TJP1: variants seen among roughly 807,000 people sequenced by gnomAD.
The protein encoded by TJP1 is tight junction protein ZO-1.
Under a neutral mutation model 194.2 loss-of-function variants are expected in TJP1, and 43 were observed. The ratio of observed to expected loss-of-function variants is 0.22; its 90% CI spans 0.17 to 0.29. The LOEUF is 0.29. Among genes scored for constraint, TJP1 ranks in the 10% least tolerant of loss-of-function variants. The probability of loss-of-function intolerance (pLI) is 1.00; values close to 1 mark genes in which losing one functional copy is unlikely to be tolerated. For synonymous variants in TJP1, 801 were observed against 779.0 expected, an observed-to-expected ratio of 1.03 and a Z score of -0.47; for missense variants, 1,971 against 2,185.7, an observed-to-expected ratio of 0.90 and a Z score of 1.96.
At chr15:29,805,055 A>C (rs898810266) in intron 1 of TJP1, among the ~76,000 whole-genome samples, 1 of 152,236 alleles carries the variant, frequency 6.6e-6, no homozygotes, top group Admixed American at 6.5e-5. Context: ...AACAGGCTAC[A>C]AATTCAATAA....
chr15:29,922,718 ATAG>A (rs1176513606), intron 2 of TJP1, among the ~76,000 whole-genome samples: 1 of 152,192 alleles, frequency 6.6e-6, no homozygotes, highest in Non-Finnish European at 1.5e-5. Context: ...CACAGGAAAA[ATAG>A]TAGAAAGGAA....
intron 2 of TJP1, among the ~76,000 whole-genome samples, chr15:29,951,243 C>G (rs1172687194): frequency 6.6e-6 from 1 of 152,006 alleles, no homozygotes; most frequent in African/African-American, 2.4e-5. Context: ...TTTCGGCTCA[C>G]TGCAACCTCT....
intron 2 of TJP1, among the ~76,000 whole-genome samples, chr15:29,855,763 C>G (rs553746154): frequency 6.6e-6 from 1 of 151,344 alleles, no homozygotes; most frequent in Non-Finnish European, 1.5e-5. Context: ...GGCTGAGGCA[C>G]GAGAATCGCT....
At chr15:29,767,542 A>T (rs538090994) in intron 4 of TJP1, among the ~76,000 whole-genome samples, 6 of 152,260 alleles carry the variant, frequency 3.9e-5, no homozygotes, top group African/African-American at 1.4e-4. Flanking sequence ...GACAAACTCC[A>T]GTCCTATTAT....
At chr15:29,813,926 T>C (rs1329213117) in intron 1 of TJP1, among the ~76,000 whole-genome samples, 1 of 152,226 alleles carries the variant, frequency 6.6e-6, no homozygotes, top group East Asian at 1.9e-4. Flanking sequence ...AATTGTTACA[T>C]ATTTCACAGC....
chr15:29,819,347 G>T (rs2050165485), intron 1 of TJP1, among the ~76,000 whole-genome samples: 1 of 138,910 alleles, frequency 7.2e-6, no homozygotes, highest in Admixed American at 7.7e-5. Context: ...CTGGCTAAAT[G>T]AACTTAAAAG....
intron 2 of TJP1, among the ~76,000 whole-genome samples, chr15:29,783,848 G>A (rs974320233): frequency 3.9e-5 from 6 of 151,990 alleles, no homozygotes; most frequent in East Asian, 1.9e-4. Flanking sequence ...GTAACTATTC[G>A]GTACTAGGCT....
intron 16 of TJP1, among the ~76,000 whole-genome samples, chr15:29,727,485 G>GT (rs1450043640): frequency 4.6e-5 from 7 of 152,148 alleles, no homozygotes; most frequent in Admixed American, 2.6e-4. Context: ...AAAACTAATT[G>GT]TAAGTTAACT....
At chr15:29,876,181 G>C (rs1484577206) in intron 2 of TJP1, among the ~76,000 whole-genome samples, 1 of 152,136 alleles carries the variant, frequency 6.6e-6, no homozygotes, top group Non-Finnish European at 1.5e-5. Flanking sequence ...GCCCAGGATG[G>C]CTTTGAATGC....
chr15:29,704,178 T>C lies in TJP1; in HGVS notation c.5196A>G (p.Ser1732=). The part of the protein sequence containing the change: ...TPDGWSFALK[S]SDSSSGDPKT... Reference sequence around the variant, plus strand: ...ACAGCATACCCGACGAGGAGTCGGATGATTTTAGAGCAAAAGACCAACCGT... The same window carrying C: ...ACAGCATACCCGACGAGGAGTCGGACGATTTTAGAGCAAAAGACCAACCGT... The change falls in exon 27 of 28, where the codon TCA becomes TCG. Residue 1732 remains serine (S), a synonymous_variant. Coordinates refer to ENST00000614355, the MANE Select transcript of TJP1 (RefSeq NM_001330239.4). The C allele has an allele frequency of 1.3e-6, 2 of 1,564,640 alleles. No homozygotes were observed. Among genetic ancestry groups the C allele is most frequent in the Non-Finnish European group, 1.7e-6 (2 of 1,153,374 alleles).
rs115717935 is a variant in TJP1, at chr15:29,847,317, G to A, written c.307-46615C>T. Reference sequence around the variant, plus strand: ...CGAGTTTTGCATGATGCCCAGCCAAGAACCAGCCTTTTGATTTTTTGCTTT... The same window carrying A: ...CGAGTTTTGCATGATGCCCAGCCAAAAACCAGCCTTTTGATTTTTTGCTTT... On this transcript the variant is annotated intron_variant, in intron 2 of 28. Coordinates refer to the TJP1 transcript ENST00000356107. Among the ~76,000 whole-genome samples the A allele has an allele frequency of 6.7e-3, 1,018 of 152,176 alleles. 10 individuals carry two copies. The highest frequency in any genetic ancestry group is 0.023 in the African/African-American group (945 of 41,522).
intron 2 of TJP1, among the ~76,000 whole-genome samples, chr15:29,931,187 C>T (rs1451103874): frequency 1.3e-5 from 2 of 152,044 alleles, no homozygotes; most frequent in African/African-American, 4.8e-5. Flanking sequence ...AGTTACTGTT[C>T]ATTAAGTGGA....
intron 2 of TJP1, among the ~76,000 whole-genome samples, chr15:29,879,962 AG>A (rs1341787540): frequency 2.0e-5 from 3 of 152,228 alleles, no homozygotes; most frequent in Non-Finnish European, 4.4e-5. Flanking sequence ...ATGTATTGGA[AG>A]GGCAATGGAG....
chr15:29,731,622 C>T (rs2043665778), intron 15 of TJP1, among the ~76,000 whole-genome samples: 1 of 152,172 alleles, frequency 6.6e-6, no homozygotes, highest in Non-Finnish European at 1.5e-5. Flanking sequence ...TTTCCCTGTT[C>T]AGAGCATCAG....
At chr15:29,942,489 A>C (rs1043001058) in intron 2 of TJP1, among the ~76,000 whole-genome samples, 3 of 152,236 alleles carry the variant, frequency 2.0e-5, no homozygotes, top group Non-Finnish European at 4.4e-5. Context: ...TAATCAAGAA[A>C]GTATCCATTA....
chr15:29,728,728 G>A (rs1188914813), intron 15 of TJP1: 1 of 152,190 alleles, frequency 6.6e-6, no homozygotes, highest in Admixed American at 6.5e-5. Flanking sequence ...AAGAGCTTTG[G>A]TGTTTCAGAG....
Position 29,761,633 on chromosome 15 carries a change from C to A in TJP1, c.830G>T (p.Ser277Ile). The A allele has an allele frequency of 1.2e-6, 2 of 1,606,758 alleles. No homozygotes were observed. ...TLLNVPDLSD[S>I]IHSANASERD... Reference sequence around the variant, plus strand: ...CTCAGAGGCATTAGCAGAGTGGATGCTGTCAGAAAGATCAGGGACATTCAA... The same window carrying A: ...CTCAGAGGCATTAGCAGAGTGGATGATGTCAGAAAGATCAGGGACATTCAA... Residue 277 changes from serine to isoleucine, a missense_variant, in exon 7 of 28, where the codon AGC becomes ATC. By Grantham distance (142) the Ser-to-Ile change is moderately radical (BLOSUM62 -2). Transcript: ENST00000614355.
At chr15:29,843,781 T>C (rs954936047) in intron 2 of TJP1, among the ~76,000 whole-genome samples, 1 of 151,992 alleles carries the variant, frequency 6.6e-6, no homozygotes, top group African/African-American at 2.4e-5. Context: ...GACGGCTCAA[T>C]CTATGGATTC....
chr15:29,781,834 G>A (rs1334358642), intron 2 of TJP1, among the ~76,000 whole-genome samples: 1 of 152,172 alleles, frequency 6.6e-6, no homozygotes, highest in Non-Finnish European at 1.5e-5. Context: ...AATAGTAAGA[G>A]CTGTATATGA....
Sources: allele counts gnomAD v4.1 joint callset (sites outside exome capture counted in the v4.1 genomes callset), GRCh38; gene constraint gnomAD v4.1.1; transcripts MANE v1.5; gene names NCBI Gene and HGNC (gene_info 2026-07-23, HGNC 2026-07-21).